The following H4C15 variants were observed in gnomAD, a reference collection of about 807,000 sequenced individuals.
H4C15 encodes H4 clustered histone 15.
chr1:149,850,724 T>G (rs587693789), downstream of H4C15: 10,673 of 278,322 alleles, frequency 0.038, 304 homozygotes, highest in African/African-American at 0.13. Flanking sequence ...GGTGACGGCT[T>G]TCTTGGAGCC....
chr1:149,850,614 C>T (rs1481188927), downstream of H4C15: 2 of 535,540 alleles, frequency 3.7e-6, no homozygotes, highest in East Asian at 3.0e-5. Flanking sequence ...CACCAGATGC[C>T]GGTGTCGGGG....
At chr1:149,849,642 G>C (rs2092162615), downstream of H4C15, among the ~76,000 whole-genome samples, 1 of 152,044 alleles carries the variant, frequency 6.6e-6, no homozygotes. Flanking sequence ...CCCTTAAACT[G>C]GACAAGCTTT....
downstream of H4C15, among the ~76,000 whole-genome samples, chr1:149,855,767 T>TGTGAGAGAGA (rs1224184289): frequency 9.8e-5 from 2 of 20,462 alleles, no homozygotes; most frequent in Non-Finnish European, 8.9e-5. Context: ...TGTGTGTGTG[T>TGTGAGAGAGA]GAGAGAGAGA....
downstream of H4C15, chr1:149,849,168 A>C (rs2101549720): frequency 6.6e-6 from 1 of 152,318 alleles, no homozygotes; most frequent in South Asian, 2.1e-4. Context: ...TATTAATTCT[A>C]CCTCAAAGAT....
chr1:149,850,284 T>C, downstream of H4C15: 1 of 1,384,256 alleles, frequency 7.2e-7, no homozygotes, highest in Non-Finnish European at 1.0e-6. Context: ...AAAGATTCTT[T>C]AACTGAGGTG....
At chr1:149,846,871 G>T in the H4C15 span, 1 of 152,140 alleles carries the variant, frequency 6.6e-6, no homozygotes, top group African/African-American at 2.4e-5. Flanking sequence ...TATAGATGTT[G>T]TATTAGTTTC....
chr1:149,846,975 T>A, the H4C15 span: 1 of 152,166 alleles, frequency 6.6e-6, no homozygotes, highest in African/African-American at 2.4e-5. Flanking sequence ...CAAAATCAAT[T>A]TTACTCGGTA....
downstream of H4C15, among the ~76,000 whole-genome samples, chr1:149,858,641 AAGGAAGGAAGGGAGGG>A (rs2092190534): frequency 2.4e-5 from 2 of 82,030 alleles, no homozygotes; most frequent in African/African-American, 1.4e-4. Flanking sequence ...GGAAGAAAGG[AAGGAAGGAAGGGAGGG>A]AGGGAGGGAG....
chr1:149,849,778 T>C (rs2092164724), downstream of H4C15, among the ~76,000 whole-genome samples: 1 of 152,232 alleles, frequency 6.6e-6, no homozygotes, highest in African/African-American at 2.4e-5. Context: ...AACTTCCATC[T>C]ACCTCCTTAA....
chr1:149,845,328 C>T, the H4C15 span: 1 of 152,154 alleles, frequency 6.6e-6, no homozygotes, highest in African/African-American at 2.4e-5. Context: ...AAAAAGTCTA[C>T]ATTTTAATTA....
chr1:149,849,076 A>C (rs1320944731), downstream of H4C15: 1 of 152,136 alleles, frequency 6.6e-6, no homozygotes, highest in Non-Finnish European at 1.5e-5. Flanking sequence ...TTCTATCCTA[A>C]TAGTACCACT....
the H4C15 span, chr1:149,848,176 TAGTC>T: frequency 6.6e-6 from 1 of 152,222 alleles, no homozygotes; most frequent in Non-Finnish European, 1.5e-5. Flanking sequence ...TCTTTAGCCT[TAGTC>T]AAGTATTAAC....
At chr1:149,855,384 G>GGTGTGTGTGTGTGTGTGTGTGT (rs1162535434), downstream of H4C15, among the ~76,000 whole-genome samples, 2 of 139,184 alleles carry the variant, frequency 1.4e-5, no homozygotes, top group Admixed American at 6.9e-5. Flanking sequence ...GTGGGGGACA[G>GGTGTGTGTGTGTGTGTGTGTGT]GTGTGTGTGT....
chr1:149,850,056 C>A, downstream of H4C15: 1 of 397,682 alleles, frequency 2.5e-6, no homozygotes, highest in South Asian at 2.2e-5. Flanking sequence ...CACATATTCA[C>A]GGGTACGTAA....
At chr1:149,847,756 G>GA in the H4C15 span, 1 of 152,314 alleles carries the variant, frequency 6.6e-6, no homozygotes, top group South Asian at 2.1e-4. Flanking sequence ...AGTAAGCCAA[G>GA]ATCATGCCAC....
the H4C15 span, chr1:149,845,765 G>T: frequency 6.6e-6 from 1 of 152,242 alleles, no homozygotes; most frequent in African/African-American, 2.4e-5. Context: ...GATGGTAGCA[G>T]TGGAGATGCA....
downstream of H4C15, among the ~76,000 whole-genome samples, chr1:149,849,712 A>G (rs587621830): frequency 1.5e-4 from 23 of 152,346 alleles, no homozygotes; most frequent in East Asian, 4.4e-3. Context: ...ATTTTAGGGT[A>G]TCTCAACTAG....
chr1:149,846,131 A>G, the H4C15 span: 3 of 152,252 alleles, frequency 2.0e-5, no homozygotes, highest in African/African-American at 4.8e-5. Flanking sequence ...CATGATGTCT[A>G]TGTGTGTATA....
downstream of H4C15, among the ~76,000 whole-genome samples, chr1:149,858,599 AAAAG>A (rs2092189297): frequency 3.9e-5 from 2 of 51,272 alleles, no homozygotes; most frequent in South Asian, 1.1e-3. Context: ...CCATCTCAAA[AAAAG>A]AAAGAGGAAG....
Sources: gnomAD v4.1 joint callset for allele counts (sites outside exome capture counted in the v4.1 genomes callset) on GRCh38, gnomAD v4.1.1 for gene constraint, MANE v1.5 for transcripts, NCBI Gene and HGNC (gene_info 2026-07-23, HGNC 2026-07-21) for gene names.